CYP7B1: variants seen among roughly 807,000 people sequenced by gnomAD.
CYP7B1 encodes cytochrome P450 family 7 subfamily B member 1.
CYP7B1 carries 29 observed loss-of-function variants against 42.7 expected under a neutral mutation model. That is an observed-to-expected ratio of 0.68 (90% confidence interval 0.51 to 0.93). CYP7B1 has a LOEUF of 0.93. Ranked by LOEUF, CYP7B1 falls within the 40% of genes least tolerant of loss-of-function variation. The pLI is 0.00. For synonymous variants in CYP7B1, 235 were observed against 218.2 expected, an observed-to-expected ratio of 1.08 and a Z score of -0.68; for missense variants, 655 against 600.5, an observed-to-expected ratio of 1.09 and a Z score of -0.95.
Position 64,724,013 on chromosome 8 carries a change from T to C in CYP7B1, c.122+74453A>G, listed in dbSNP as rs1313413297. Among the ~76,000 whole-genome samples the C allele has an allele frequency of 5.3e-5, 8 of 152,090 alleles. 1 individual carries two copies. Among genetic ancestry groups the C allele is most frequent in the Non-Finnish European group, 1.2e-4 (8 of 67,996 alleles). On this transcript the variant is annotated intron_variant, in intron 1 of 5. Coordinates refer to ENST00000310193, the MANE Select transcript of CYP7B1 (RefSeq NM_004820.5). Reference sequence around the variant, plus strand: ...CACATACATGGGTGTATAAACAAAGTTCTGAACAGATCATATGCCCACAGA... The same window carrying C: ...CACATACATGGGTGTATAAACAAAGCTCTGAACAGATCATATGCCCACAGA...
intron 1 of CYP7B1, among the ~76,000 whole-genome samples, chr8:64,743,545 G>T (rs1807599835): frequency 1.3e-5 from 2 of 152,150 alleles, no homozygotes; most frequent in Non-Finnish European, 2.9e-5. Flanking sequence ...CAACAGGGTT[G>T]ACTTCTTCCA....
chr8:64,663,231 T>G (rs746153126), intron 1 of CYP7B1, among the ~76,000 whole-genome samples: 4 of 152,202 alleles, frequency 2.6e-5, no homozygotes, highest in Non-Finnish European at 5.9e-5. Context: ...TAATTATGAA[T>G]GTTTATTTAT....
At chr8:64,612,006 T>C (rs1805370692) in intron 4 of CYP7B1, among the ~76,000 whole-genome samples, 1 of 152,176 alleles carries the variant, frequency 6.6e-6, no homozygotes, top group Admixed American at 6.6e-5. Flanking sequence ...TTATCCATTA[T>C]TCAAATAAAC....
chr8:64,757,275 T>C (rs947772290), intron 1 of CYP7B1, among the ~76,000 whole-genome samples: 4 of 152,306 alleles, frequency 2.6e-5, no homozygotes, highest in Admixed American at 1.3e-4. Context: ...AGAGGACTAA[T>C]ACCAACTACA....
At chr8:64,758,765 G>A (rs766886566) in intron 1 of CYP7B1, among the ~76,000 whole-genome samples, 3 of 152,106 alleles carry the variant, frequency 2.0e-5, no homozygotes, top group Non-Finnish European at 2.9e-5. Flanking sequence ...CTTCACTGTG[G>A]TAAGGATCAG....
intron 1 of CYP7B1, among the ~76,000 whole-genome samples, chr8:64,771,223 G>C (rs1440849822): frequency 1.3e-5 from 2 of 151,592 alleles, no homozygotes; most frequent in African/African-American, 2.4e-5. Flanking sequence ...ACCATGCCCA[G>C]CTAATCTTTT....
At chr8:64,741,361 C>G (rs1356033129) in intron 1 of CYP7B1, among the ~76,000 whole-genome samples, 1 of 151,952 alleles carries the variant, frequency 6.6e-6, no homozygotes, top group Non-Finnish European at 1.5e-5. Flanking sequence ...CTCTTGTTGC[C>G]CAGGTTGGAG....
At chr8:64,617,996 G>T (rs1805472475) in intron 2 of CYP7B1, among the ~76,000 whole-genome samples, 1 of 146,470 alleles carries the variant, frequency 6.8e-6, no homozygotes, top group African/African-American at 2.6e-5. Flanking sequence ...GATCTAGGAT[G>T]CCAGTAAAGC....
chr8:64,736,756 T>C (rs1401621927), intron 1 of CYP7B1, among the ~76,000 whole-genome samples: 1 of 152,194 alleles, frequency 6.6e-6, no homozygotes, highest in Non-Finnish European at 1.5e-5. Flanking sequence ...GGCTGAATTT[T>C]TTTTTAATTC....
At chr8:64,669,072 G>A (rs1473494259) in intron 1 of CYP7B1, among the ~76,000 whole-genome samples, 6 of 152,036 alleles carry the variant, frequency 3.9e-5, no homozygotes, top group Non-Finnish European at 7.4e-5. Context: ...GACAGATAAT[G>A]AGAAACCTAC....
chr8:64,675,502 CTAT>C (rs367994734), intron 1 of CYP7B1, among the ~76,000 whole-genome samples: 370 of 149,836 alleles, frequency 2.5e-3, no homozygotes, highest in African/African-American at 7.8e-3. Flanking sequence ...AAGTATTTTG[CTAT>C]TATTATTATT....
intron 1 of CYP7B1, among the ~76,000 whole-genome samples, chr8:64,668,847 G>A (rs886403728): frequency 1.3e-5 from 2 of 151,832 alleles, no homozygotes; most frequent in South Asian, 4.2e-4. Flanking sequence ...TATTTCATCA[G>A]GAGAACTACA....
chr8:64,753,741 G>A (rs1187430491), intron 1 of CYP7B1, among the ~76,000 whole-genome samples: 2 of 152,216 alleles, frequency 1.3e-5, no homozygotes, highest in Non-Finnish European at 2.9e-5. Flanking sequence ...CATTTCACAG[G>A]GTGAGAGGAC....
At chr8:64,719,531 A>G (rs1157585749) in intron 1 of CYP7B1, among the ~76,000 whole-genome samples, 1 of 152,218 alleles carries the variant, frequency 6.6e-6, no homozygotes, top group Non-Finnish European at 1.5e-5. Flanking sequence ...TGGGTTCACA[A>G]GTCCTTCAAA....
intron 2 of CYP7B1, among the ~76,000 whole-genome samples, chr8:64,620,144 C>T (rs1039506608): frequency 4.6e-5 from 7 of 152,088 alleles, no homozygotes; most frequent in Admixed American, 4.6e-4. Context: ...TATGATTATG[C>T]TACTGCACTC....
At chr8:64,676,304 G>A (rs1490170677) in intron 1 of CYP7B1, among the ~76,000 whole-genome samples, 1 of 151,992 alleles carries the variant, frequency 6.6e-6, no homozygotes, top group Non-Finnish European at 1.5e-5. Flanking sequence ...GCTTCCTGAT[G>A]ACTAGATAAA....
chr8:64,770,548 A>G (rs1021625176), intron 1 of CYP7B1, among the ~76,000 whole-genome samples: 7 of 152,248 alleles, frequency 4.6e-5, no homozygotes, highest in African/African-American at 1.7e-4. Flanking sequence ...GCAATAAAGT[A>G]TTCATCTACC....
At chr8:64,602,021 ACT>A (rs1805211520) in intron 5 of CYP7B1, among the ~76,000 whole-genome samples, 1 of 152,060 alleles carries the variant, frequency 6.6e-6, no homozygotes, top group Non-Finnish European at 1.5e-5. Flanking sequence ...GCATATTTTC[ACT>A]CTCAGTACAT....
At chr8:64,741,162 C>T (rs1397053297) in intron 1 of CYP7B1, among the ~76,000 whole-genome samples, 2 of 90,304 alleles carry the variant, frequency 2.2e-5, no homozygotes, top group Non-Finnish European at 4.7e-5. Flanking sequence ...TCACTACTCC[C>T]ATACAACACC....
Sources: gnomAD v4.1 joint callset for allele counts (sites outside exome capture counted in the v4.1 genomes callset) on GRCh38, gnomAD v4.1.1 for gene constraint, MANE v1.5 for transcripts, NCBI Gene and HGNC (gene_info 2026-07-23, HGNC 2026-07-21) for gene names.